The following TTC39B variants were observed in gnomAD, a reference collection of about 807,000 sequenced individuals.
TTC39B encodes tetratricopeptide repeat protein 39B.
TTC39B carries 92 observed loss-of-function variants against 96.6 expected under a neutral mutation model. The ratio of observed to expected loss-of-function variants is 0.95; its 90% CI spans 0.80 to 1.13. The LOEUF is 1.13. TTC39B is among the 50% of genes most tolerant of loss of function. TTC39B has a pLI of 0.00. For synonymous variants in TTC39B, 367 were observed against 299.4 expected, an observed-to-expected ratio of 1.23 and a Z score of -2.33; for missense variants, 955 against 809.3, an observed-to-expected ratio of 1.18 and a Z score of -2.18.
intron 2 of TTC39B, among the ~76,000 whole-genome samples, chr9:15,233,636 A>ACGGAGTCT (rs1821571191): frequency 6.6e-6 from 1 of 152,156 alleles, no homozygotes; most frequent in Admixed American, 6.5e-5. Context: ...GGGATTGCAG[A>ACGGAGTCT]CGGAGTCTCG....
At chr9:15,273,450 G>A (rs143075021) in intron 1 of TTC39B, among the ~76,000 whole-genome samples, 19 of 152,132 alleles carry the variant, frequency 1.2e-4, no homozygotes, top group Non-Finnish European at 2.5e-4. Flanking sequence ...CTAGAACTCC[G>A]TTCCTCCCTC....
exon 20 of TTC39B, chr9:15,171,724 G>A (rs763177864): frequency 4.3e-5 from 8 of 184,896 alleles, no homozygotes; most frequent in Non-Finnish European, 8.9e-5. Flanking sequence ...AATCTAATTA[G>A]ACTATTGCAT....
At chr9:15,288,321 C>T (rs548873838) in intron 1 of TTC39B, among the ~76,000 whole-genome samples, 23 of 152,288 alleles carry the variant, frequency 1.5e-4, no homozygotes, top group African/African-American at 4.6e-4. Context: ...AGTTATCTTT[C>T]GGCCCACCAC....
At chr9:15,167,024 A>ATTTTTT (rs1564299983) in exon 20 of TTC39B, 1 of 11,622 alleles carries the variant, frequency 8.6e-5, no homozygotes, top group African/African-American at 3.3e-4. Context: ...ATATATATAT[A>ATTTTTT]TATATTTTTT....
chr9:15,177,872 T>A, intron 17 of TTC39B, 58 bp from the exon 18 acceptor site: 3 of 861,544 alleles, frequency 3.5e-6, no homozygotes, highest in Non-Finnish European at 4.8e-6. Flanking sequence ...TTAAGATCTT[T>A]TTTTTTTTTT....
At chr9:15,215,419 T>G (rs1292627138) in intron 3 of TTC39B, among the ~76,000 whole-genome samples, 2 of 149,724 alleles carry the variant, frequency 1.3e-5, no homozygotes, top group Non-Finnish European at 3.0e-5. Flanking sequence ...TAGCTGGGTG[T>G]GGTGGCACAT....
rs946083787 is a variant in TTC39B at position 15,250,248 on chromosome 9, C to T, written c.275+17666G>A. 34 of 1,090,740 alleles carry T rather than the reference C, an allele frequency of 3.1e-5. No homozygotes were observed. The African/African-American group carries it at 4.9e-4, about 16-fold the overall frequency. The allele number at this position is 1,090,740 out of a possible 1,614,324, so 67.6% of individuals were successfully genotyped here. ...GAAGGGATGCCGGGAGATTTTTTTTCCCCCAATCTCTGCTGCAGCCTAATT... is the reference window on the plus strand; with the variant it reads ...GAAGGGATGCCGGGAGATTTTTTTTTCCCCAATCTCTGCTGCAGCCTAATT... On this transcript the variant is annotated intron_variant, in intron 2 of 19. Transcript: ENST00000512701.
chr9:15,188,922 T>C (rs1021087694), intron 13 of TTC39B, among the ~76,000 whole-genome samples: 12 of 152,080 alleles, frequency 7.9e-5, no homozygotes, highest in African/African-American at 2.9e-4. Flanking sequence ...AGTGGCCAAA[T>C]GTCTATGGAC....
At chr9:15,279,358 G>A (rs189204060) in intron 1 of TTC39B, among the ~76,000 whole-genome samples, 10 of 152,256 alleles carry the variant, frequency 6.6e-5, no homozygotes, top group East Asian at 1.9e-4. Flanking sequence ...ATGAGTGTTC[G>A]GAAGAGGCAG....
At chr9:15,172,219 T>G in intron 19 of TTC39B, 110 bp from the exon 20 acceptor site, 1 of 635,408 alleles carries the variant, frequency 1.6e-6, no homozygotes, top group East Asian at 3.4e-5. Flanking sequence ...AACTCTAATA[T>G]ACATAACCGT....
At chr9:15,257,037 C>T (rs866894458) in intron 2 of TTC39B, among the ~76,000 whole-genome samples, 1 of 152,052 alleles carries the variant, frequency 6.6e-6, no homozygotes, top group Non-Finnish European at 1.5e-5. Context: ...ATGAGACAGT[C>T]GGAGAAATTT....
intron 15 of TTC39B, 72 bp downstream of exon 15, chr9:15,186,872 T>C (rs775789787): frequency 2.9e-6 from 4 of 1,402,078 alleles, no homozygotes; most frequent in East Asian, 4.6e-5. Flanking sequence ...ATTTTTTGTA[T>C]TTTCAGTAGA....
At chr9:15,168,172 G>A (rs1817562132) in exon 20 of TTC39B, 1 of 152,206 alleles carries the variant, frequency 6.6e-6, no homozygotes. Context: ...ATTCCCACAT[G>A]TGCTGTAAGC....
intron 6 of TTC39B, among the ~76,000 whole-genome samples, chr9:15,208,558 G>A (rs1037586514): frequency 6.6e-6 from 1 of 152,068 alleles, no homozygotes; most frequent in African/African-American, 2.4e-5. Flanking sequence ...TGAACTTTAG[G>A]TCTAACGGGA....
Position 15,306,566 on chromosome 9 carries a change from C to T in TTC39B, c.240+518G>A, listed in dbSNP as rs972450626. Among the ~76,000 whole-genome samples, 4 of 152,300 alleles carry T rather than the reference C, an allele frequency of 2.6e-5. No homozygotes were observed. Among genetic ancestry groups the T allele is most frequent in the African/African-American group, 7.2e-5 (3 of 41,586 alleles). ...CCTGCCCTGCTGTCGCGGCAGGTAC[C>T]CCTCTACTCATTGTTCCTCAGGCTG... On this transcript the variant is annotated intron_variant, in intron 1 of 19. Coordinates refer to ENST00000512701, the Ensembl canonical transcript of TTC39B. This position sits in a 1 kb window ranked among gnomAD's most constrained non-coding sequence, Gnocchi z 5.1.
At chr9:15,170,380 C>T (rs1227872152) in exon 20 of TTC39B, 1 of 152,136 alleles carries the variant, frequency 6.6e-6, no homozygotes, top group Non-Finnish European at 1.5e-5. Context: ...TTCTACACTT[C>T]TTTCATTTTA....
At chr9:15,237,899 G>C (rs1322847969) in intron 2 of TTC39B, among the ~76,000 whole-genome samples, 1 of 152,116 alleles carries the variant, frequency 6.6e-6, no homozygotes, top group Non-Finnish European at 1.5e-5. Context: ...CAAAATACTA[G>C]CAAACTGAAT....
At position 15,199,824 on chromosome 9, in the gene TTC39B, A is replaced by G. The variant is rs145492168; in HGVS notation, c.824+37T>C. On this transcript the variant is annotated intron_variant, in intron 8 of 19. Transcript: ENST00000512701. ...GAAGAACAAAGGAGTACACAGCACA[A>G]AATTATTTACAAACCACATCTTACT... The G allele has an allele frequency of 1.5e-3, 1,874 of 1,288,234 alleles. 21 individuals are homozygous for G. The African/African-American group carries it at 0.024, about 16-fold the overall frequency. The allele number at this position is 1,288,234 out of a possible 1,614,324, so 79.8% of individuals were successfully genotyped here.
chr9:15,283,580 C>G (rs1486066237), intron 1 of TTC39B, among the ~76,000 whole-genome samples: 1 of 152,018 alleles, frequency 6.6e-6, no homozygotes, highest in Non-Finnish European at 1.5e-5. Context: ...GCAGAACTCT[C>G]AGTGGAACCT....
Sources: gnomAD v4.1 joint callset for allele counts (sites outside exome capture counted in the v4.1 genomes callset) on GRCh38, gnomAD v4.1.1 for gene constraint, Gnocchi (gnomAD v3.1) non-coding constraint, MANE v1.5 for transcripts, NCBI Gene and HGNC (gene_info 2026-07-23, HGNC 2026-07-21) for gene names.